The following SMC5 variants were observed in gnomAD, a reference collection of about 807,000 sequenced individuals.
SMC5 encodes the protein structural maintenance of chromosomes 5, also known as structural maintenance of chromosomes protein 5.
Under a neutral mutation model 148.3 loss-of-function variants are expected in SMC5, and 88 were observed. The observed-to-expected ratio is 0.59, with a 90% confidence interval of 0.50 to 0.71. The LOEUF is 0.71. Ranked by LOEUF, SMC5 falls within the 30% of genes least tolerant of loss-of-function variation. The pLI is 0.00. For missense variants in SMC5, 1,142 were observed against 1,298.9 expected, an observed-to-expected ratio of 0.88 and a Z score of 1.86; for synonymous variants, 421 against 432.8, an observed-to-expected ratio of 0.97 and a Z score of 0.34.
Position 70,298,146 on chromosome 9 carries a change from G to A in SMC5, c.1234G>A (p.Asp412Asn). The change falls in exon 9 of 25, where the codon GAT becomes AAT. Residue 412 changes from aspartate to asparagine, a missense_variant. Transcript: ENST00000361138. ...TACAAATGATCTGAGACGGATTCAG[G>A]ATGAAAAGGCATTATGTGAAGGCGA... ...AITNDLRRIQ[D>N]EKALCEGEII... 6.2e-7 allele frequency: 1 copy of A among 1,614,036 alleles called. No homozygotes were observed. Among genetic ancestry groups the A allele is most frequent in the Non-Finnish European group, 8.5e-7 (1 of 1,179,938 alleles).
chr9:70,303,291 A>C (rs978174178), intron 10 of SMC5, among the ~76,000 whole-genome samples: 1 of 150,532 alleles, frequency 6.6e-6, no homozygotes, highest in South Asian at 2.2e-4. Context: ...TAAGTCCTAG[A>C]CTGGCTTATC....
At chr9:70,269,506 G>C (rs987869126) in intron 3 of SMC5, among the ~76,000 whole-genome samples, 4 of 152,108 alleles carry the variant, frequency 2.6e-5, no homozygotes, top group Non-Finnish European at 2.9e-5. Context: ...CCTGAGCCTG[G>C]GGAGGTAGAG....
chr9:70,334,133 T>TG (rs1190396990), intron 17 of SMC5, among the ~76,000 whole-genome samples: 7 of 151,192 alleles, frequency 4.6e-5, no homozygotes, highest in East Asian at 1.9e-4. Flanking sequence ...GTTGTTGTTT[T>TG]TTTTTTTTTT....
intron 10 of SMC5, among the ~76,000 whole-genome samples, chr9:70,301,898 C>G (rs371696304): frequency 6.6e-6 from 1 of 151,996 alleles, no homozygotes; most frequent in Non-Finnish European, 1.5e-5. Flanking sequence ...TGCCATCAAC[C>G]ACCAGATCAT....
intron 7 of SMC5, among the ~76,000 whole-genome samples, chr9:70,284,920 G>A (rs1180121): frequency 0.99 from 150,116 of 152,082 alleles, 74,113 homozygotes; most frequent in East Asian, 1. Context: ...GGCAGGTGAT[G>A]AAGTGTTATG....
chr9:70,317,036 T>C (rs2035821369), intron 13 of SMC5, among the ~76,000 whole-genome samples: 1 of 152,150 alleles, frequency 6.6e-6, no homozygotes, highest in South Asian at 2.1e-4. Context: ...TTTATGATGA[T>C]ATACTTTTCA....
intron 8 of SMC5, among the ~76,000 whole-genome samples, chr9:70,288,592 A>G (rs1303114223): frequency 1.3e-5 from 2 of 152,014 alleles, no homozygotes; most frequent in African/African-American, 4.8e-5. Flanking sequence ...TAAATGCATT[A>G]TAGGATATAA....
At chr9:70,296,516 G>A (rs1414575721) in intron 8 of SMC5, among the ~76,000 whole-genome samples, 3 of 149,854 alleles carry the variant, frequency 2.0e-5, no homozygotes, top group African/African-American at 4.9e-5. Context: ...TCGCACCACT[G>A]CACTCCAGCC....
intron 15 of SMC5, among the ~76,000 whole-genome samples, chr9:70,320,657 T>TATAA: frequency 6.6e-6 from 1 of 152,216 alleles, no homozygotes; most frequent in African/African-American, 2.4e-5. Flanking sequence ...CTGTGGATTT[T>TATAA]GGAATCCTTA....
At chr9:70,318,727 C>G (rs766454257) in intron 14 of SMC5, 40 bp downstream of exon 14, 9 of 1,559,200 alleles carry the variant, frequency 5.8e-6, no homozygotes, top group Non-Finnish European at 6.9e-6. Context: ...AGAATATTAA[C>G]TGGATTTCTA....
rs143035038 is a variant in SMC5, at chr9:70,298,800, G to A, written c.1309+579G>A. Among the ~76,000 whole-genome samples, 600 of 150,826 alleles carry A rather than the reference G, an allele frequency of 4.0e-3. 3 individuals are homozygous for A. The highest frequency in any genetic ancestry group is 0.013 in the African/African-American group (553 of 41,174). The stretch of plus-strand genomic sequence containing the variant: ...GCACAACTCCTTTTTTACCTCCAAA[G>A]CCAACCAAGAGTAAGCACTTTTAAC... On this transcript the variant is annotated intron_variant, in intron 9 of 24. Coordinates refer to ENST00000361138, the MANE Select transcript of SMC5 (RefSeq NM_015110.4).
At chr9:70,351,198 AC>A (rs1342949355) in intron 24 of SMC5, among the ~76,000 whole-genome samples, 3 of 152,050 alleles carry the variant, frequency 2.0e-5, no homozygotes, top group Non-Finnish European at 4.4e-5. Context: ...CAAAAAAAAT[AC>A]AAAAATTAGC....
At chr9:70,277,621 TATA>T in intron 4 of SMC5, 149 bp downstream of exon 4, 1 of 557,796 alleles carries the variant, frequency 1.8e-6, no homozygotes, top group East Asian at 3.5e-5. Context: ...TCACTTAGAG[TATA>T]ATGTTATTAA....
intron 15 of SMC5, among the ~76,000 whole-genome samples, chr9:70,323,186 T>TAA (rs2035991154): frequency 6.6e-6 from 1 of 152,234 alleles, no homozygotes; most frequent in African/African-American, 2.4e-5. Context: ...TCTTCATCTT[T>TAA]AAAATTGAGA....
chr9:70,314,965 T>G, intron 12 of SMC5, 129 bp downstream of exon 12: 1 of 542,608 alleles, frequency 1.8e-6, no homozygotes, highest in South Asian at 3.7e-5. Context: ...AGGAAAAATT[T>G]AGGCACAGGA....
chr9:70,324,200 AAT>A, intron 17 of SMC5, 57 bp downstream of exon 17: 1 of 1,525,530 alleles, frequency 6.6e-7, no homozygotes, highest in East Asian at 2.3e-5. Flanking sequence ...CTGGTTTGAA[AAT>A]ATATATCGTG....
intron 1 of SMC5, among the ~76,000 whole-genome samples, chr9:70,262,577 A>G (rs2034169012): frequency 6.6e-6 from 1 of 152,180 alleles, no homozygotes; most frequent in African/African-American, 2.4e-5. Flanking sequence ...GTGGTTTTGG[A>G]TGGGAAAGAT....
At chr9:70,278,839 G>C (rs912787948) in intron 5 of SMC5, among the ~76,000 whole-genome samples, 7 of 152,028 alleles carry the variant, frequency 4.6e-5, no homozygotes, top group African/African-American at 1.7e-4. Context: ...CAGCAAATAC[G>C]TATTACTAAT....
rs147195979 is a variant in SMC5 at position 70,260,174 on chromosome 9, G to A, written c.185+911G>A. 3.7e-3 allele frequency among the ~76,000 whole-genome samples: 558 copies of A among 151,884 alleles called. 4 individuals are homozygous for A. Among genetic ancestry groups the A allele is most frequent in the African/African-American group, 0.013 (541 of 41,388 alleles). Reference sequence around the variant, plus strand: ...GGCTGGAAGGTAGTGGCGCAATCTCGGCTCACTGCAACCTCCGCCTCCCAG... The same window carrying A: ...GGCTGGAAGGTAGTGGCGCAATCTCAGCTCACTGCAACCTCCGCCTCCCAG... On this transcript the variant is annotated intron_variant, in intron 1 of 24. Transcript: ENST00000361138.
Sources: gnomAD v4.1 joint callset for allele counts (sites outside exome capture counted in the v4.1 genomes callset) on GRCh38, gnomAD v4.1.1 for gene constraint, MANE v1.5 for transcripts, NCBI Gene and HGNC (gene_info 2026-07-23, HGNC 2026-07-21) for gene names.